NALF1: variants seen among roughly 807,000 people sequenced by gnomAD.
NALF1 encodes family with sequence similarity 155 member A.
In NALF1, 3 loss-of-function variants were observed where a neutral mutation model predicts 48.4. The observed-to-expected ratio is 0.06, with a 90% confidence interval of 0.03 to 0.16. The LOEUF (loss-of-function observed/expected upper bound fraction) is 0.16, where lower values mean the gene tolerates loss of function less well. NALF1 is among the 10% of genes least tolerant of loss of function. The pLI, the probability that NALF1 is intolerant of heterozygous loss-of-function variation, is 1.00. For synonymous variants in NALF1, 262 were observed against 245.7 expected (o/e 1.07, Z -0.62); for missense variants, 526 against 571.5 (o/e 0.92, Z 0.81).
intron 1 of NALF1, among the ~76,000 whole-genome samples, chr13:107,837,750 C>T (rs1460459303): frequency 1.3e-5 from 2 of 151,994 alleles, no homozygotes; most frequent in Non-Finnish European, 2.9e-5. Context: ...ACAGAGCCAC[C>T]CGGGTGTGAG....
chr13:107,831,895 T>C (rs1377309937), intron 1 of NALF1, among the ~76,000 whole-genome samples: 2 of 152,144 alleles, frequency 1.3e-5, no homozygotes, highest in Non-Finnish European at 2.9e-5. Context: ...AATTCAACAT[T>C]CTTTTAGTTT....
At chr13:107,199,277 GC>G (rs1405869647) in intron 2 of NALF1, among the ~76,000 whole-genome samples, 4 of 152,276 alleles carry the variant, frequency 2.6e-5, no homozygotes, top group Admixed American at 1.3e-4. Flanking sequence ...GTGTCTACAG[GC>G]CAAGGAGAGA....
At chr13:107,647,918 C>A (rs1324121413) in intron 1 of NALF1, among the ~76,000 whole-genome samples, 1 of 151,936 alleles carries the variant, frequency 6.6e-6, no homozygotes, top group Non-Finnish European at 1.5e-5. Context: ...CTGAGCTTAA[C>A]AAATTTTAAA....
Position 107,459,785 on chromosome 13 carries a change from G to T in NALF1, c.916-249030C>A, listed in dbSNP as rs577996116. Reference sequence around the variant, plus strand: ...AGTCAGGGTCTCTCTGTGTCTCCCAGGCTGGAGTGCAGTGGTGTGATCTCC... The same window carrying T: ...AGTCAGGGTCTCTCTGTGTCTCCCATGCTGGAGTGCAGTGGTGTGATCTCC... On this transcript the variant is annotated intron_variant, in intron 1 of 2. Coordinates refer to ENST00000375915, the MANE Select transcript of NALF1 (RefSeq NM_001080396.3). Among the ~76,000 whole-genome samples, 13 of 152,096 alleles carry T rather than the reference G, an allele frequency of 8.5e-5. No homozygotes were observed. In the East Asian group the frequency reaches 2.3e-3, roughly 27 times the overall value.
At chr13:107,281,757 A>C (rs1312802341) in intron 1 of NALF1, among the ~76,000 whole-genome samples, 22 of 152,178 alleles carry the variant, frequency 1.4e-4, no homozygotes, top group Non-Finnish European at 7.3e-5. Flanking sequence ...AAGCCTCAGG[A>C]AACTTACAAT....
intron 1 of NALF1, among the ~76,000 whole-genome samples, chr13:107,748,195 C>A (rs1290157477): frequency 2.6e-5 from 4 of 152,128 alleles, no homozygotes; most frequent in Non-Finnish European, 4.4e-5. Flanking sequence ...AAGCAGGGAA[C>A]TCTTACCAAG....
intron 1 of NALF1, among the ~76,000 whole-genome samples, chr13:107,617,782 G>A (rs1472802952): frequency 1.3e-5 from 2 of 152,066 alleles, no homozygotes; most frequent in Non-Finnish European, 2.9e-5. Context: ...TCTCCTCCAT[G>A]TTTCTTTTCA....
chr13:107,580,804 AC>A (rs1252253793), intron 1 of NALF1, among the ~76,000 whole-genome samples: 1 of 152,200 alleles, frequency 6.6e-6, no homozygotes, highest in Non-Finnish European at 1.5e-5. Flanking sequence ...AAACATTTTA[AC>A]AACAGTGGAA....
intron 1 of NALF1, among the ~76,000 whole-genome samples, chr13:107,328,087 A>G (rs533094590): frequency 6.6e-6 from 1 of 151,926 alleles, no homozygotes; most frequent in Non-Finnish European, 1.5e-5. Context: ...TGCTAGACTA[A>G]TTTTTGTAAA....
At chr13:107,790,723 A>C (rs1176897620) in intron 1 of NALF1, among the ~76,000 whole-genome samples, 1 of 152,184 alleles carries the variant, frequency 6.6e-6, no homozygotes, top group East Asian at 1.9e-4. Flanking sequence ...AGGAGTGTTA[A>C]TTTTTAGCCA....
Position 107,799,539 on chromosome 13 carries a change from T to C in NALF1, c.915+66143A>G, listed in dbSNP as rs115626383. ...TCCCCCCAAACACCACCATCATTGC[T>C]TAGAAACAAGAAGTTTGCACTCACA... On this transcript the variant is annotated intron_variant, in intron 1 of 2. Transcript: ENST00000375915. Among the ~76,000 whole-genome samples, 252 of 152,320 alleles carry C rather than the reference T, an allele frequency of 1.7e-3. 2 individuals are homozygous for C. The highest frequency in any genetic ancestry group is 5.8e-3 in the African/African-American group (243 of 41,576).
intron 1 of NALF1, among the ~76,000 whole-genome samples, chr13:107,385,775 C>T (rs187191106): frequency 4.5e-4 from 69 of 152,112 alleles, no homozygotes; most frequent in African/African-American, 1.5e-3. Flanking sequence ...GGAACAAATT[C>T]GATATTTCTA....
intron 1 of NALF1, among the ~76,000 whole-genome samples, chr13:107,541,597 TTA>T (rs1448010889): frequency 6.6e-6 from 1 of 152,088 alleles, no homozygotes; most frequent in Non-Finnish European, 1.5e-5. Flanking sequence ...GCATATAGCT[TTA>T]TATATGCACT....
intron 1 of NALF1, among the ~76,000 whole-genome samples, chr13:107,359,410 C>A (rs1195439010): frequency 1.3e-5 from 2 of 151,986 alleles, no homozygotes; most frequent in Admixed American, 6.6e-5. Context: ...ATTATCTAGC[C>A]ATATTTATAA....
chr13:107,643,073 A>C (rs1490413364), intron 1 of NALF1, among the ~76,000 whole-genome samples: 1 of 152,148 alleles, frequency 6.6e-6, no homozygotes, highest in Admixed American at 6.6e-5. Context: ...CAGGTTTCGC[A>C]GTTCATTCTC....
intron 1 of NALF1, among the ~76,000 whole-genome samples, chr13:107,856,444 A>G (rs889120743): frequency 6.6e-6 from 1 of 152,196 alleles, no homozygotes; most frequent in Non-Finnish European, 1.5e-5. Flanking sequence ...GACAGTATAT[A>G]TTCTCGATAT....
intron 1 of NALF1, 124 bp downstream of exon 1, chr13:107,865,558 A>G (rs1193420533): frequency 4.6e-6 from 6 of 1,313,570 alleles, no homozygotes; most frequent in Non-Finnish European, 6.3e-6. Flanking sequence ...GCTCTTAATA[A>G]CCGCAGAAAA....
At chr13:107,193,160 T>A (rs1442244605) in intron 2 of NALF1, among the ~76,000 whole-genome samples, 5 of 152,134 alleles carry the variant, frequency 3.3e-5, no homozygotes, top group African/African-American at 1.2e-4. Context: ...CTTATCTTCT[T>A]TTGGCTTATC....
intron 1 of NALF1, among the ~76,000 whole-genome samples, chr13:107,257,488 T>C (rs1880841107): frequency 9.1e-6 from 1 of 109,402 alleles, no homozygotes; most frequent in African/African-American, 3.4e-5. Context: ...TTGTTTCTTC[T>C]GCTTTTTTTT....
Sources: allele counts gnomAD v4.1 joint callset (sites outside exome capture counted in the v4.1 genomes callset), GRCh38; gene constraint gnomAD v4.1.1; transcripts MANE v1.5; gene names NCBI Gene and HGNC (gene_info 2026-07-23, HGNC 2026-07-21).